Variants in FRMD4B observed in about 807,000 individuals in gnomAD.
FRMD4B encodes the protein FERM domain containing 4B, also known as FERM domain-containing protein 4B.
A neutral mutation model predicts 141.5 loss-of-function variants in FRMD4B; 74 were observed. That is an observed-to-expected ratio of 0.52 (90% CI 0.43 to 0.63). The LOEUF (loss-of-function observed/expected upper bound fraction) is 0.63. Among genes scored for constraint, FRMD4B ranks in the 30% least tolerant of loss-of-function variants. The pLI is 0.00. For synonymous variants in FRMD4B, 506 were observed against 467.9 expected (o/e 1.08, Z -1.05); for missense variants, 1,366 against 1,253.4 (o/e 1.09, Z -1.36).
At chr3:69,237,164 C>A (rs951692788) in intron 7 of FRMD4B, among the ~76,000 whole-genome samples, 1 of 90,430 alleles carries the variant, frequency 1.1e-5, no homozygotes, top group African/African-American at 4.0e-5. Flanking sequence ...CAACTGCAGG[C>A]CGGAGCACAA....
At chr3:69,212,026 A>C (rs371376922) in intron 11 of FRMD4B, among the ~76,000 whole-genome samples, 14 of 145,318 alleles carry the variant, frequency 9.6e-5, no homozygotes, top group Non-Finnish European at 1.5e-4. Context: ...CAGAGTAGAC[A>C]CCCCCCAAAA....
chr3:69,381,019 G>A (rs1704105734), intron 1 of FRMD4B, among the ~76,000 whole-genome samples: 2 of 152,176 alleles, frequency 1.3e-5, no homozygotes, highest in African/African-American at 2.4e-5. Context: ...ACAGGGATAT[G>A]GCTGATGAAT....
At chr3:69,499,942 C>A (rs936617585) in intron 1 of FRMD4B, among the ~76,000 whole-genome samples, 11 of 152,228 alleles carry the variant, frequency 7.2e-5, no homozygotes, top group African/African-American at 2.4e-4. Context: ...GATCTGGCTT[C>A]ACGGCTTGGT....
chr3:69,268,985 A>G (rs2093581970), intron 5 of FRMD4B, among the ~76,000 whole-genome samples: 4 of 150,328 alleles, frequency 2.7e-5, no homozygotes, highest in African/African-American at 9.9e-5. Flanking sequence ...ATGGAGTGCA[A>G]TGGGGCGATC....
At chr3:69,511,430 G>A (rs866128053) in intron 1 of FRMD4B, among the ~76,000 whole-genome samples, 1 of 152,074 alleles carries the variant, frequency 6.6e-6, no homozygotes, top group Non-Finnish European at 1.5e-5. Context: ...GAGTACAGAC[G>A]GGAAGCAGCA....
Position 69,171,744 on chromosome 3 carries a change from C to T in FRMD4B, c.*117G>A. 1.0e-6 allele frequency: 1 copy of T among 989,982 alleles called. No homozygotes were observed. Among genetic ancestry groups the T allele is most frequent in the Non-Finnish European group, 1.5e-6 (1 of 653,324 alleles). 61.3% of individuals were successfully genotyped at this position (989,982 alleles called of 1,614,324 possible). ...CACTTCCAGGGCAACTAAGTCTTCT[C>T]TTCAACCTTTGATGTCTTTAGGTTT... On this transcript the variant is annotated 3_prime_UTR_variant, in exon 23 of 23. Coordinates refer to ENST00000398540, the MANE Select transcript of FRMD4B (RefSeq NM_015123.3).
At chr3:69,261,607 C>T (rs897621982) in intron 5 of FRMD4B, among the ~76,000 whole-genome samples, 4 of 152,194 alleles carry the variant, frequency 2.6e-5, no homozygotes, top group Non-Finnish European at 4.4e-5. Flanking sequence ...ACACTTCATA[C>T]GTGGCTGGTG....
intron 5 of FRMD4B, among the ~76,000 whole-genome samples, chr3:69,273,199 A>G (rs1168219917): frequency 6.6e-6 from 1 of 152,212 alleles, no homozygotes; most frequent in Admixed American, 6.5e-5. Context: ...GAATTCCCTC[A>G]ATGTAGTATA....
intron 4 of FRMD4B, among the ~76,000 whole-genome samples, chr3:69,289,666 G>A (rs543626176): frequency 5.9e-5 from 9 of 152,264 alleles, no homozygotes; most frequent in African/African-American, 2.2e-4. Flanking sequence ...GTGGTGGCGG[G>A]CGGGCACCTG....
chr3:69,468,519 G>A (rs1475223152), intron 1 of FRMD4B, among the ~76,000 whole-genome samples: 1 of 152,136 alleles, frequency 6.6e-6, no homozygotes, highest in African/African-American at 2.4e-5. Flanking sequence ...GTCAGTAACA[G>A]GGTCAGAAAT....
intron 2 of FRMD4B, among the ~76,000 whole-genome samples, chr3:69,423,353 G>A (rs10451956): frequency 0.35 from 53,524 of 151,704 alleles, 9,848 homozygotes; most frequent in African/African-American, 0.45. Context: ...CTGACTTGTG[G>A]GGAACAGCAA....
intron 2 of FRMD4B, among the ~76,000 whole-genome samples, chr3:69,399,464 T>A (rs994806491): frequency 2.8e-4 from 42 of 152,320 alleles, no homozygotes; most frequent in African/African-American, 9.9e-4. Context: ...AGTCTCAACT[T>A]GTTCAGAGAA....
At chr3:69,506,190 G>A (rs1178781963) in intron 1 of FRMD4B, among the ~76,000 whole-genome samples, 5 of 152,076 alleles carry the variant, frequency 3.3e-5, no homozygotes, top group African/African-American at 9.7e-5. Flanking sequence ...GTTATTATCC[G>A]TGGTGCTGAT....
chr3:69,451,045 G>T (rs1373019864), intron 1 of FRMD4B, among the ~76,000 whole-genome samples: 2 of 152,158 alleles, frequency 1.3e-5, no homozygotes, highest in Non-Finnish European at 2.9e-5. Context: ...ATGACTTCTA[G>T]CAGAGCTTCA....
intron 1 of FRMD4B, among the ~76,000 whole-genome samples, chr3:69,330,777 G>C (rs756706917): frequency 1.3e-5 from 2 of 152,110 alleles, no homozygotes; most frequent in Non-Finnish European, 2.9e-5. Flanking sequence ...GATTACAGGC[G>C]TGTGCCACCA....
chr3:69,422,684 C>A (rs75778488), intron 2 of FRMD4B, among the ~76,000 whole-genome samples: 9 of 152,120 alleles, frequency 5.9e-5, no homozygotes, highest in African/African-American at 1.7e-4. Flanking sequence ...TAAGCAAATG[C>A]GCATGGCTTT....
At chr3:69,470,394 T>C (rs1461883588) in intron 1 of FRMD4B, among the ~76,000 whole-genome samples, 1 of 152,212 alleles carries the variant, frequency 6.6e-6, no homozygotes, top group African/African-American at 2.4e-5. Context: ...TTTTGCAAGT[T>C]CTACTTCAAA....
At chr3:69,280,136 G>A (rs2093637990) in intron 5 of FRMD4B, among the ~76,000 whole-genome samples, 1 of 152,062 alleles carries the variant, frequency 6.6e-6, no homozygotes, top group South Asian at 2.1e-4. Context: ...AGCAGGAGCA[G>A]GTTGCCCAAG....
intron 1 of FRMD4B, among the ~76,000 whole-genome samples, chr3:69,520,332 T>TATATATATATGATGGA (rs1263306315): frequency 1.8e-4 from 14 of 75,868 alleles, no homozygotes; most frequent in Admixed American, 6.7e-4. Context: ...TATGATGGAA[T>TATATATATATGATGGA]ATATATATAT....
Sources: gnomAD v4.1 joint callset for allele counts (sites outside exome capture counted in the v4.1 genomes callset) on GRCh38, gnomAD v4.1.1 for gene constraint, MANE v1.5 for transcripts, NCBI Gene and HGNC (gene_info 2026-07-23, HGNC 2026-07-21) for gene names.